The following WNT1 variants were observed in gnomAD, a reference collection of about 807,000 sequenced individuals.
The protein encoded by WNT1 is proto-oncogene Wnt-1.
Under a neutral mutation model 21.3 loss-of-function variants are expected in WNT1, and 10 were observed. The ratio of observed to expected loss-of-function variants is 0.47; its 90% CI spans 0.29 to 0.80. WNT1 has a LOEUF of 0.80. Ranked by LOEUF, WNT1 falls within the 30% of genes least tolerant of loss-of-function variation. WNT1 has a pLI of 0.09. For synonymous variants in WNT1, 208 were observed against 236.3 expected (o/e 0.88, Z 1.10); for missense variants, 476 against 534.1 (o/e 0.89, Z 1.07).
Position 48,979,408 on chromosome 12 carries a change from G to C in WNT1, c.105-60G>C. ...CCCAGGAAGAGGACCGGGTGGCACA[G>C]TTTTTATGGTTAGGGTGCGGATCCC... On this transcript the variant is annotated intron_variant, in intron 1 of 3. Transcript: ENST00000293549. The surrounding 1 kb of genome is among the most constrained non-coding windows in gnomAD (Gnocchi z 6.0). 1 of 1,538,624 alleles carries C rather than the reference G, an allele frequency of 6.5e-7. No homozygotes were observed. Among genetic ancestry groups the C allele is most frequent in the Non-Finnish European group, 8.8e-7 (1 of 1,140,498 alleles).
chr12:48,978,564 C>T lies in WNT1; in HGVS notation c.-87C>T. 2.0e-6 allele frequency: 2 copies of T among 981,650 alleles called. No homozygotes were observed. The highest frequency in any genetic ancestry group is 3.1e-6 in the Non-Finnish European group (2 of 648,158). 60.8% of individuals were successfully genotyped at this position (981,650 alleles called of 1,614,324 possible). A position where few individuals can be genotyped will look rare whatever the true frequency, so the allele number is the denominator to read the frequency against. ...CCAGACTGCGAACTCTCGCCACTGC[C>T]GCCACCGCCGCGTCCCGTCCCACCG... On this transcript the variant is annotated 5_prime_UTR_variant, in exon 1 of 4. Transcript: ENST00000293549. The surrounding 1 kb of genome is among the most constrained non-coding windows in gnomAD (Gnocchi z 7.4).
In WNT1 at chr12:48,980,741, G is replaced by C. The variant is rs1164271529; in HGVS notation, c.624+52G>C. The C allele has an allele frequency of 1.3e-6, 2 of 1,487,640 alleles. No homozygotes were observed. Among genetic ancestry groups the C allele is most frequent in the Admixed American group, 5.2e-5 (2 of 38,734 alleles). The allele number at this position is 1,487,640 out of a possible 1,614,324, so 92.2% of individuals were successfully genotyped here. The stretch of plus-strand genomic sequence containing the variant: ...AAGCGGAGCGGCAGGGGCCAACCTC[G>C]GGCTGGGGAAGTGACGGTCGGTGAG... On this transcript the variant is annotated intron_variant, in intron 3 of 3. Coordinates refer to ENST00000293549, the MANE Select transcript of WNT1 (RefSeq NM_005430.4). The surrounding 1 kb of genome is among the most constrained non-coding windows in gnomAD (Gnocchi z 7.0).
chr12:48,978,472 C>T lies in WNT1; in HGVS notation c.-179C>T, dbSNP rs1020038352. ...TAAGAGGCGGTGCCGCCCGCCGTGG[C>T]CGCCTCAGCCCACCAGCCGGGACCG... On this transcript the variant is annotated 5_prime_UTR_variant, in exon 1 of 4. Coordinates refer to ENST00000293549, the MANE Select transcript of WNT1 (RefSeq NM_005430.4). This position sits in a 1 kb window ranked among gnomAD's most constrained non-coding sequence, Gnocchi z 7.4. 3 of 589,430 alleles carry T rather than the reference C, an allele frequency of 5.1e-6. No homozygotes were observed. The highest frequency in any genetic ancestry group is 3.9e-5 in the African/African-American group (2 of 51,228). 36.5% of individuals were successfully genotyped at this position (589,430 alleles called of 1,614,324 possible). A position where few individuals can be genotyped will look rare whatever the true frequency, so the allele number is the denominator to read the frequency against.
rs1940979998 is a variant in WNT1, at chr12:48,979,373, G to T, written c.105-95G>T. The stretch of plus-strand genomic sequence containing the variant: ...TATTAATCTCCCGCCATTCTCTCCA[G>T]CCACATACCCCCAGGAAGAGGACCG... On this transcript the variant is annotated intron_variant, in intron 1 of 3. Coordinates refer to ENST00000293549, the MANE Select transcript of WNT1 (RefSeq NM_005430.4). The surrounding 1 kb of genome is among the most constrained non-coding windows in gnomAD (Gnocchi z 6.0). The T allele has an allele frequency of 6.9e-7, 1 of 1,449,156 alleles. No homozygotes were observed. The highest frequency in any genetic ancestry group is 1.4e-5 in the South Asian group (1 of 73,534). 89.8% of individuals were successfully genotyped at this position (1,449,156 alleles called of 1,614,324 possible).
rs1212693662 is a variant in WNT1 at position 48,978,729 on chromosome 12, G to A, written c.79G>A (p.Ala27Thr). The change falls in exon 1 of 4, where the codon GCT becomes ACT. Residue 27 changes from alanine to threonine, a missense_variant. Ala to Thr is a moderately conservative substitution (Grantham distance 58). Transcript: ENST00000293549. The surrounding 1 kb of genome is among the most constrained non-coding windows in gnomAD (Gnocchi z 7.4). ...GCTGGCCGCTCTGCCCGCAGCCCTGGCTGCCAACAGCAGTGGCCGATGGTG... is the reference window on the plus strand; with the variant it reads ...GCTGGCCGCTCTGCCCGCAGCCCTGACTGCCAACAGCAGTGGCCGATGGTG... Reference protein sequence around the residue: ...LALAALPAALAANSSGRWWGI... With the variant: ...LALAALPAALTANSSGRWWGI... 1 of 1,602,780 alleles carries A rather than the reference G, an allele frequency of 6.2e-7. No individual in the cohort carries two copies. The highest frequency in any genetic ancestry group is 2.2e-5 in the East Asian group (1 of 44,628).
Position 48,980,761 on chromosome 12 carries a change from G to T in WNT1, c.624+72G>T. 1.4e-6 allele frequency: 2 copies of T among 1,468,148 alleles called. No individual in the cohort carries two copies. The highest frequency in any genetic ancestry group is 2.4e-5 in the East Asian group (1 of 41,384). The allele number at this position is 1,468,148 out of a possible 1,614,324, so 90.9% of individuals were successfully genotyped here. A position where few individuals can be genotyped will look rare whatever the true frequency, so the allele number is the denominator to read the frequency against. On this transcript the variant is annotated intron_variant, in intron 3 of 3. Transcript: ENST00000293549. This position sits in a 1 kb window ranked among gnomAD's most constrained non-coding sequence, Gnocchi z 7.0. ...ACCTCGGGCTGGGGAAGTGACGGTCGGTGAGATAAGGCAAGGGGCACCAGG... is the reference window on the plus strand; with the variant it reads ...ACCTCGGGCTGGGGAAGTGACGGTCTGTGAGATAAGGCAAGGGGCACCAGG...
At position 48,980,709 on chromosome 12, in the gene WNT1, G is replaced by T. The variant is rs762684155; in HGVS notation, c.624+20G>T. The T allele has an allele frequency of 1.3e-6, 2 of 1,515,654 alleles. No individual in the cohort carries two copies. The highest frequency in any genetic ancestry group is 2.8e-5 in the African/African-American group (2 of 71,698). The allele number at this position is 1,515,654 out of a possible 1,614,324, so 93.9% of individuals were successfully genotyped here. A position where few individuals can be genotyped will look rare whatever the true frequency, so the allele number is the denominator to read the frequency against. ...CGTACGGTGAGCTTTGAGAGGCTCC[G>T]CACCCTAAGCGGAGCGGCAGGGGCC... is the stretch of plus-strand genomic sequence containing the variant. On this transcript the variant is annotated intron_variant, in intron 3 of 3. Transcript: ENST00000293549. This position sits in a 1 kb window ranked among gnomAD's most constrained non-coding sequence, Gnocchi z 7.0.
Position 48,981,085 on chromosome 12 carries a change from G to A in WNT1, c.625-67G>A, listed in dbSNP as rs970735199. The A allele has an allele frequency of 7.0e-6, 11 of 1,576,254 alleles. No homozygotes were observed. Among genetic ancestry groups the A allele is most frequent in the Non-Finnish European group, 9.5e-6 (11 of 1,160,768 alleles). On this transcript the variant is annotated intron_variant, in intron 3 of 3. Transcript: ENST00000293549. The surrounding 1 kb of genome is among the most constrained non-coding windows in gnomAD (Gnocchi z 7.4). ...CCGGCCCCCGTGGCGTCCGGGAGAG[G>A]GCAGTGTCTGGGAGGGTGACTCTGG...
chr12:48,980,723 G>A lies in WNT1; in HGVS notation c.624+34G>A. ...TGAGAGGCTCCGCACCCTAAGCGGA[G>A]CGGCAGGGGCCAACCTCGGGCTGGG... On this transcript the variant is annotated intron_variant, in intron 3 of 3. Transcript: ENST00000293549. This position sits in a 1 kb window ranked among gnomAD's most constrained non-coding sequence, Gnocchi z 7.0. 1 of 1,503,306 alleles carries A rather than the reference G, an allele frequency of 6.7e-7. No individual in the cohort carries two copies. The highest frequency in any genetic ancestry group is 1.4e-5 in the African/African-American group (1 of 71,614). The allele number at this position is 1,503,306 out of a possible 1,614,324, so 93.1% of individuals were successfully genotyped here.
rs926780444 is a variant in WNT1, at chr12:48,979,219, C to T, written c.105-249C>T. 6.6e-6 allele frequency among the ~76,000 whole-genome samples: 1 copy of T among 152,202 alleles called. No homozygotes were observed. Among genetic ancestry groups the T allele is most frequent in the African/African-American group, 2.4e-5 (1 of 41,464 alleles). On this transcript the variant is annotated intron_variant, in intron 1 of 3. Transcript: ENST00000293549. The surrounding 1 kb of genome is among the most constrained non-coding windows in gnomAD (Gnocchi z 6.0). ...GGCTCGGAGATCCAAGGTAGACACTCGGTCTCCGGGTACCTCCTCTGTCCA... is the reference window on the plus strand; with the variant it reads ...GGCTCGGAGATCCAAGGTAGACACTTGGTCTCCGGGTACCTCCTCTGTCCA...
chr12:48,979,417 G>T lies in WNT1; in HGVS notation c.105-51G>T. On this transcript the variant is annotated intron_variant, in intron 1 of 3. Transcript: ENST00000293549. The surrounding 1 kb of genome is among the most constrained non-coding windows in gnomAD (Gnocchi z 6.0). ...AGGACCGGGTGGCACAGTTTTTATG[G>T]TTAGGGTGCGGATCCCCTTCCTGAG... The T allele has an allele frequency of 1.9e-6, 3 of 1,549,124 alleles. No individual in the cohort carries two copies. Among genetic ancestry groups the T allele is most frequent in the Non-Finnish European group, 2.6e-6 (3 of 1,143,880 alleles).
Position 48,981,503 on chromosome 12 carries a change from G to A in WNT1, c.976G>A (p.Glu326Lys). Residue 326 changes from glutamate (E) to lysine (K), a missense_variant, in exon 4 of 4, where the codon GAG (glutamate) becomes AAG (lysine). Coordinates refer to ENST00000293549, the MANE Select transcript of WNT1 (RefSeq NM_005430.4). The surrounding 1 kb of genome is among the most constrained non-coding windows in gnomAD (Gnocchi z 7.4). Reference protein sequence around the residue: ...NSSSPALDGCELLCCGRGHRT... With the variant: ...NSSSPALDGCKLLCCGRGHRT... ...CTCGTCGCCCGCGCTGGACGGCTGCGAGCTGCTCTGCTGCGGCAGGGGCCA... is the reference window on the plus strand; with the variant it reads ...CTCGTCGCCCGCGCTGGACGGCTGCAAGCTGCTCTGCTGCGGCAGGGGCCA... 1 of 1,550,050 alleles carries A rather than the reference G, an allele frequency of 6.5e-7. No homozygotes were observed. The highest frequency in any genetic ancestry group is 8.7e-7 in the Non-Finnish European group (1 of 1,147,110).
chr12:48,978,759 G>T lies in WNT1; in HGVS notation c.104+5G>T. The T allele has an allele frequency of 6.3e-7, 1 of 1,585,168 alleles. No individual in the cohort carries two copies. On this transcript the variant is annotated splice_donor_5th_base_variant and intron_variant, in intron 1 of 3. Transcript: ENST00000293549. The surrounding 1 kb of genome is among the most constrained non-coding windows in gnomAD (Gnocchi z 7.4). ...CAACAGCAGTGGCCGATGGTGGTAA[G>T]TGAGCTGGTGCGGGGTCGCCACTTG...
Position 48,981,404 on chromosome 12 carries a change from G to C in WNT1, c.877G>C (p.Glu293Gln). 1 of 1,581,200 alleles carries C rather than the reference G, an allele frequency of 6.3e-7. No homozygotes were observed. The highest frequency in any genetic ancestry group is 8.6e-7 in the Non-Finnish European group (1 of 1,163,074). Residue 293 changes from glutamate (E) to glutamine (Q), a missense_variant, in exon 4 of 4, where the codon GAG (glutamate) becomes CAG (glutamine). Coordinates refer to ENST00000293549, the MANE Select transcript of WNT1 (RefSeq NM_005430.4). The surrounding 1 kb of genome is among the most constrained non-coding windows in gnomAD (Gnocchi z 7.4). ...PPSPHDLVYF[E>Q]KSPNFCTYSG... ...CTCCCCCCACGACCTCGTCTACTTC[G>C]AGAAATCGCCCAACTTCTGCACGTA...
chr12:48,979,415 T>A lies in WNT1; in HGVS notation c.105-53T>A. 1 of 1,542,476 alleles carries A rather than the reference T, an allele frequency of 6.5e-7. No individual in the cohort carries two copies. Among genetic ancestry groups the A allele is most frequent in the Non-Finnish European group, 8.8e-7 (1 of 1,141,546 alleles). Reference sequence around the variant, plus strand: ...AGAGGACCGGGTGGCACAGTTTTTATGGTTAGGGTGCGGATCCCCTTCCTG... The same window carrying A: ...AGAGGACCGGGTGGCACAGTTTTTAAGGTTAGGGTGCGGATCCCCTTCCTG... On this transcript the variant is annotated intron_variant, in intron 1 of 3. Transcript: ENST00000293549. This position sits in a 1 kb window ranked among gnomAD's most constrained non-coding sequence, Gnocchi z 6.0.
Position 48,981,687 on chromosome 12 carries a change from C to A in WNT1, c.*47C>A. ...CAGGAACGCTCTCCTCGAGCCCTCCCCCAAACAGACTCGCTAGCACTCAAG... is the reference window on the plus strand; with the variant it reads ...CAGGAACGCTCTCCTCGAGCCCTCCACCAAACAGACTCGCTAGCACTCAAG... On this transcript the variant is annotated 3_prime_UTR_variant, in exon 4 of 4. Transcript: ENST00000293549. This position sits in a 1 kb window ranked among gnomAD's most constrained non-coding sequence, Gnocchi z 7.4. The A allele has an allele frequency of 7.0e-7, 1 of 1,418,954 alleles. No homozygotes were observed. Among genetic ancestry groups the A allele is most frequent in the Non-Finnish European group, 9.2e-7 (1 of 1,092,224 alleles). 87.9% of individuals were successfully genotyped at this position (1,418,954 alleles called of 1,614,324 possible). A position where few individuals can be genotyped will look rare whatever the true frequency, so the allele number is the denominator to read the frequency against.
Position 48,980,318 on chromosome 12 carries a change from C to T in WNT1, c.359-106C>T, listed in dbSNP as rs564518214. 3 of 1,338,014 alleles carry T rather than the reference C, an allele frequency of 2.2e-6. No individual in the cohort carries two copies. The highest frequency in any genetic ancestry group is 3.1e-6 in the Non-Finnish European group (3 of 960,100). The allele number at this position is 1,338,014 out of a possible 1,614,324, so 82.9% of individuals were successfully genotyped here. ...GCACTGCCGGCCCTGGCTCTCAGGACTCAAAGTGCGGAGTCGGGGGTGGGA... is the reference window on the plus strand; with the variant it reads ...GCACTGCCGGCCCTGGCTCTCAGGATTCAAAGTGCGGAGTCGGGGGTGGGA... On this transcript the variant is annotated intron_variant, in intron 2 of 3. Transcript: ENST00000293549. The surrounding 1 kb of genome is among the most constrained non-coding windows in gnomAD (Gnocchi z 7.0).
At position 48,980,670 on chromosome 12, in the gene WNT1, A is replaced by G. The variant is rs1427495027; in HGVS notation, c.605A>G (p.Asn202Ser). 1 of 1,560,174 alleles carries G rather than the reference A, an allele frequency of 6.4e-7. No homozygotes were observed. Among genetic ancestry groups the G allele is most frequent in the Non-Finnish European group, 8.7e-7 (1 of 1,153,360 alleles). The change falls in exon 3 of 4, where the codon AAC (asparagine) becomes AGC (serine). Residue 202 changes from asparagine to serine, a missense_variant. Transcript: ENST00000293549. The surrounding 1 kb of genome is among the most constrained non-coding windows in gnomAD (Gnocchi z 7.0). Reference sequence around the variant, plus strand: ...CTGCGCTTCCTCATGAACCTTCACAACAACGAGGCAGGCCGTACGGTGAGC... The same window carrying G: ...CTGCGCTTCCTCATGAACCTTCACAGCAACGAGGCAGGCCGTACGGTGAGC... ...RDLRFLMNLH[N>S]NEAGRTTVFS...
In WNT1 at chr12:48,979,578, T is replaced by TA. The variant is rs1277101629; in HGVS notation, c.216dup (p.Arg73ThrfsTer82). On this transcript the variant is annotated frameshift_variant, in exon 2 of 4. Coordinates refer to ENST00000293549, the MANE Select transcript of WNT1 (RefSeq NM_005430.4). LOFTEE classifies it high-confidence loss of function. This position sits in a 1 kb window ranked among gnomAD's most constrained non-coding sequence, Gnocchi z 6.0. ...TTGAGCCGCAAACAGCGGCGTCTGATACGCCAAAATCCGGGGATCCTGCAC... is the reference window on the plus strand; with the variant it reads ...TTGAGCCGCAAACAGCGGCGTCTGATAACGCCAAAATCCGGGGATCCTGCAC... 6.2e-7 allele frequency: 1 copy of TA among 1,614,172 alleles called. No homozygotes were observed. Among genetic ancestry groups the TA allele is most frequent in the East Asian group, 2.2e-5 (1 of 44,890 alleles).
Sources: gnomAD v4.1 joint callset for allele counts (sites outside exome capture counted in the v4.1 genomes callset) on GRCh38, gnomAD v4.1.1 for gene constraint, Gnocchi (gnomAD v3.1) non-coding constraint, MANE v1.5 for transcripts, NCBI Gene and HGNC (gene_info 2026-07-23, HGNC 2026-07-21) for gene names.